The following DCC variants were observed in gnomAD, a reference collection of about 807,000 sequenced individuals.
DCC encodes the protein netrin receptor DCC.
DCC carries 58 observed loss-of-function variants against 172.5 expected under a neutral mutation model. The ratio of observed to expected loss-of-function variants is 0.34; its 90% confidence interval spans 0.27 to 0.42. The LOEUF (loss-of-function observed/expected upper bound fraction) is 0.42. DCC is among the 10% of genes least tolerant of loss of function. The probability of loss-of-function intolerance (pLI) is 1.00; values close to 1 mark genes in which losing one functional copy is unlikely to be tolerated. For synonymous variants in DCC, 709 were observed against 644.5 expected (o/e 1.10, Z -1.52); for missense variants, 1,740 against 1,791.0 (o/e 0.97, Z 0.51).
At chr18:52,418,829 C>T (rs560380209) in intron 1 of DCC, among the ~76,000 whole-genome samples, 1 of 148,278 alleles carries the variant, frequency 6.7e-6, no homozygotes, top group African/African-American at 2.5e-5. Context: ...TATCCGAGAT[C>T]CTTTTTCTTT....
At chr18:53,354,244 G>C (rs1281898395) in intron 15 of DCC, among the ~76,000 whole-genome samples, 1 of 152,144 alleles carries the variant, frequency 6.6e-6, no homozygotes, top group Non-Finnish European at 1.5e-5. Context: ...TGTCTTTATA[G>C]CAGCATGCTT....
intron 24 of DCC, among the ~76,000 whole-genome samples, chr18:53,461,648 T>A (rs2045560887): frequency 6.6e-6 from 1 of 152,196 alleles, no homozygotes; most frequent in Non-Finnish European, 1.5e-5. Flanking sequence ...TGTTGCTGTT[T>A]TACTGTACTC....
At chr18:52,716,119 C>T (rs2036378045) in intron 1 of DCC, among the ~76,000 whole-genome samples, 1 of 152,254 alleles carries the variant, frequency 6.6e-6, no homozygotes. Context: ...TTTTCTGACT[C>T]ATTCCTCTGC....
intron 2 of DCC, among the ~76,000 whole-genome samples, chr18:52,819,015 T>C (rs538782842): frequency 6.6e-6 from 1 of 152,292 alleles, no homozygotes; most frequent in African/African-American, 2.4e-5. Flanking sequence ...AGCATTTAAG[T>C]GAACATCATA....
chr18:53,361,912 C>T (rs1367413396), intron 15 of DCC, among the ~76,000 whole-genome samples: 3 of 152,040 alleles, frequency 2.0e-5, no homozygotes, highest in Non-Finnish European at 4.4e-5. Flanking sequence ...GTTCGCAAGG[C>T]TTGCACAACA....
chr18:53,461,922 G>A (rs1225881407), intron 24 of DCC, among the ~76,000 whole-genome samples: 1 of 152,196 alleles, frequency 6.6e-6, no homozygotes, highest in African/African-American at 2.4e-5. Flanking sequence ...CCAGTACATT[G>A]GAGTGAAATG....
At position 53,454,066 on chromosome 18, in the gene DCC, G is replaced by A. The variant is rs563596230; in HGVS notation, c.3392+3404G>A. On this transcript the variant is annotated intron_variant, in intron 23 of 28. Coordinates refer to ENST00000442544, the MANE Select transcript of DCC (RefSeq NM_005215.4). Reference sequence around the variant, plus strand: ...TAATACAGAAAAAATTATATTTTATGAAAACTTAAGGCTGGACACACCTGT... The same window carrying A: ...TAATACAGAAAAAATTATATTTTATAAAAACTTAAGGCTGGACACACCTGT... Among the ~76,000 whole-genome samples, 6 of 152,238 alleles carry A rather than the reference G, an allele frequency of 3.9e-5. No homozygotes were observed. In the South Asian group the frequency reaches 1.2e-3, roughly 32 times the overall value.
Position 52,707,839 on chromosome 18 carries a change from G to A in DCC, c.92-44215G>A, listed in dbSNP as rs565167285. 5.3e-5 allele frequency among the ~76,000 whole-genome samples: 8 copies of A among 152,232 alleles called. No individual in the cohort carries two copies. The South Asian group carries it at 1.5e-3, about 28-fold the overall frequency. ...TCATAGAACCAGAGAATAAAATAGT[G>A]GCTACCAGACCCTGGGATAGGTGGG... On this transcript the variant is annotated intron_variant, in intron 1 of 28. Transcript: ENST00000442544.
chr18:53,037,830 A>T (rs1041517151), intron 5 of DCC, among the ~76,000 whole-genome samples: 6 of 151,972 alleles, frequency 3.9e-5, no homozygotes, highest in African/African-American at 1.4e-4. Context: ...ACTGATGAAA[A>T]CACTTGAAAG....
rs2040158178 is a variant in DCC at position 52,923,692 on chromosome 18, G to GT, written c.698-11dup. ...TTTTTCATATATCATATGATACTGT[G>GT]TTTTCCCCTCATAGATCCAGGACTG... is the stretch of plus-strand genomic sequence containing the variant. On this transcript the variant is annotated splice_polypyrimidine_tract_variant and intron_variant, in intron 3 of 28. Coordinates refer to ENST00000442544, the MANE Select transcript of DCC (RefSeq NM_005215.4). 6.3e-7 allele frequency: 1 copy of GT among 1,584,188 alleles called. No homozygotes were observed. Among genetic ancestry groups the GT allele is most frequent in the East Asian group, 2.2e-5 (1 of 44,672 alleles).
intron 5 of DCC, among the ~76,000 whole-genome samples, chr18:53,003,509 A>T (rs1027381001): frequency 6.6e-6 from 1 of 152,044 alleles, no homozygotes; most frequent in African/African-American, 2.4e-5. Flanking sequence ...AGTGGTGTTC[A>T]TGGGTTTTAG....
chr18:52,547,738 G>A (rs1396700908), intron 1 of DCC, among the ~76,000 whole-genome samples: 1 of 152,118 alleles, frequency 6.6e-6, no homozygotes, highest in Non-Finnish European at 1.5e-5. Context: ...TGAAGGAACA[G>A]CATGAGCAAA....
At chr18:52,824,708 C>G (rs11082951) in intron 2 of DCC, among the ~76,000 whole-genome samples, 3,382 of 152,222 alleles carry the variant, frequency 0.022, 40 homozygotes, top group Non-Finnish European at 0.039. Flanking sequence ...TTGTGGTTCA[C>G]TCCTGTAATC....
At chr18:52,964,813 A>G (rs896438334) in intron 5 of DCC, among the ~76,000 whole-genome samples, 2 of 152,184 alleles carry the variant, frequency 1.3e-5, no homozygotes, top group Admixed American at 6.5e-5. Context: ...AATTTGCAGA[A>G]ATCAGCGCGT....
At chr18:53,387,713 A>G (rs1908260139) in intron 16 of DCC, among the ~76,000 whole-genome samples, 1 of 152,180 alleles carries the variant, frequency 6.6e-6, no homozygotes, top group African/African-American at 2.4e-5. Context: ...TGTGTCTCAT[A>G]ATTTTCCTTT....
chr18:52,611,931 G>T (rs978593849), intron 1 of DCC, among the ~76,000 whole-genome samples: 1 of 152,126 alleles, frequency 6.6e-6, no homozygotes, highest in Non-Finnish European at 1.5e-5. Flanking sequence ...CAAAAACTTT[G>T]GCATGAAGTA....
intron 2 of DCC, among the ~76,000 whole-genome samples, chr18:52,900,240 G>A (rs7234775): frequency 0.9 from 136,753 of 152,222 alleles, 61,877 homozygotes; most frequent in Middle Eastern, 0.97. Flanking sequence ...CCTTGCATGG[G>A]TAGTTAATAA....
At chr18:53,343,421 T>C (rs973537721) in intron 15 of DCC, among the ~76,000 whole-genome samples, 6 of 151,954 alleles carry the variant, frequency 3.9e-5, no homozygotes, top group Admixed American at 3.9e-4. Flanking sequence ...AAATGAACTT[T>C]TTTTTTCTTT....
At chr18:53,367,154 A>G (rs916329574) in intron 15 of DCC, among the ~76,000 whole-genome samples, 1 of 152,220 alleles carries the variant, frequency 6.6e-6, no homozygotes, top group Non-Finnish European at 1.5e-5. Context: ...TGAAATTATT[A>G]CAATATTGTT....
Sources: gnomAD v4.1 joint callset for allele counts (sites outside exome capture counted in the v4.1 genomes callset) on GRCh38, gnomAD v4.1.1 for gene constraint, MANE v1.5 for transcripts, NCBI Gene and HGNC (gene_info 2026-07-23, HGNC 2026-07-21) for gene names.